KAZN: variants seen among roughly 807,000 people sequenced by gnomAD.
KAZN encodes kazrin.
A neutral mutation model predicts 87.4 loss-of-function variants in KAZN; 40 were observed. The ratio of observed to expected loss-of-function variants is 0.46; its 90% CI spans 0.36 to 0.60. The LOEUF is 0.60. Among genes scored for constraint, KAZN ranks in the 20% least tolerant of loss-of-function variants. KAZN has a pLI of 0.00. For synonymous variants in KAZN, 466 were observed against 458.3 expected, an observed-to-expected ratio of 1.02 and a Z score of -0.22; for missense variants, 898 against 1,073.9, an observed-to-expected ratio of 0.84 and a Z score of 2.29.
At chr1:14,883,560 C>G (rs932088194) in intron 1 of KAZN, among the ~76,000 whole-genome samples, 4 of 149,034 alleles carry the variant, frequency 2.7e-5, no homozygotes, top group African/African-American at 1.0e-4. Flanking sequence ...TCACACGCTC[C>G]TCCCATCCTC....
chr1:13,954,510 T>C (rs1641469248), intron 1 of KAZN, among the ~76,000 whole-genome samples: 2 of 152,208 alleles, frequency 1.3e-5, no homozygotes, highest in African/African-American at 4.8e-5. Flanking sequence ...GATTTTTATA[T>C]ACTCAAAACA....
intron 1 of KAZN, among the ~76,000 whole-genome samples, chr1:14,108,225 A>AT (rs1644422525): frequency 6.6e-6 from 1 of 151,406 alleles, no homozygotes; most frequent in South Asian, 2.1e-4. Flanking sequence ...TGAAAGTCAT[A>AT]TTTTTCTAGG....
chr1:14,319,640 C>G, intron 2 of KAZN, among the ~76,000 whole-genome samples: 1 of 152,202 alleles, frequency 6.6e-6, no homozygotes, highest in East Asian at 1.9e-4. Context: ...GGATCCTCCT[C>G]CCTTCTCGAC....
chr1:14,106,927 C>T (rs1644386013), intron 1 of KAZN, among the ~76,000 whole-genome samples: 1 of 149,106 alleles, frequency 6.7e-6, no homozygotes. Flanking sequence ...ACTCAACCAC[C>T]CTTTCCCTCC....
chr1:14,379,548 A>G (rs1279652275), intron 2 of KAZN, among the ~76,000 whole-genome samples: 1 of 151,968 alleles, frequency 6.6e-6, no homozygotes, highest in Non-Finnish European at 1.5e-5. Context: ...GCCAACATTC[A>G]CCATAAGCTG....
chr1:14,262,627 C>T (rs1651160535), intron 2 of KAZN, among the ~76,000 whole-genome samples: 1 of 152,142 alleles, frequency 6.6e-6, no homozygotes, highest in African/African-American at 2.4e-5. Context: ...ACTGGAAGGA[C>T]CCCCATGATA....
intron 2 of KAZN, among the ~76,000 whole-genome samples, chr1:14,541,285 T>C (rs1201087156): frequency 6.6e-6 from 1 of 152,188 alleles, no homozygotes; most frequent in African/African-American, 2.4e-5. Flanking sequence ...GCAAAATAGA[T>C]ACCCAATGTA....
intron 2 of KAZN, among the ~76,000 whole-genome samples, chr1:14,208,322 ATAG>A (rs1646784992): frequency 6.6e-6 from 1 of 152,236 alleles, no homozygotes; most frequent in Non-Finnish European, 1.5e-5. Flanking sequence ...ATGGTTGTCA[ATAG>A]TAAAGGTTAT....
chr1:14,638,563 C>A (rs1318350708), intron 1 of KAZN, among the ~76,000 whole-genome samples: 1 of 113,912 alleles, frequency 8.8e-6, no homozygotes, highest in Non-Finnish European at 1.7e-5. Flanking sequence ...AGCAAGACTC[C>A]GTCTCAAAAA....
chr1:14,885,622 A>G (rs1292639075), intron 1 of KAZN, among the ~76,000 whole-genome samples: 1 of 151,978 alleles, frequency 6.6e-6, no homozygotes, highest in Non-Finnish European at 1.5e-5. Flanking sequence ...TGCTATTATT[A>G]CAGGAGTGAG....
intron 1 of KAZN, among the ~76,000 whole-genome samples, chr1:14,713,797 A>AAAAAAAAAAAAAAAAAAAAGAAAGAAAG (rs1553215138): frequency 1.0e-5 from 1 of 95,648 alleles, no homozygotes; most frequent in Non-Finnish European, 1.9e-5. Flanking sequence ...AAAAAAAAAA[A>AAAAAAAAAAAAAAAAAAAAGAAAGAAAG]AAAGAAAGAA....
At chr1:14,881,261 G>T (rs1436913799) in intron 1 of KAZN, among the ~76,000 whole-genome samples, 2 of 152,234 alleles carry the variant, frequency 1.3e-5, no homozygotes, top group African/African-American at 4.8e-5. Context: ...AGAAAATCCA[G>T]CAGGGTGACA....
intron 2 of KAZN, among the ~76,000 whole-genome samples, chr1:14,571,745 C>T (rs977383787): frequency 2.0e-5 from 3 of 152,146 alleles, no homozygotes; most frequent in Non-Finnish European, 2.9e-5. Flanking sequence ...ACCTCCCCTC[C>T]GCCAAGATTC....
chr1:15,010,366 C>T (rs575725844), intron 2 of KAZN, among the ~76,000 whole-genome samples: 37 of 149,504 alleles, frequency 2.5e-4, no homozygotes, highest in African/African-American at 6.2e-4. Context: ...TCCAGGGGCA[C>T]GTGCCATCTG....
intron 2 of KAZN, among the ~76,000 whole-genome samples, chr1:14,546,616 C>T (rs1673162868): frequency 6.6e-6 from 1 of 152,036 alleles, no homozygotes; most frequent in Non-Finnish European, 1.5e-5. Context: ...GGAAAGACTG[C>T]TTGGAAGACT....
At chr1:14,605,037 G>A (rs1277770799) in intron 1 of KAZN, among the ~76,000 whole-genome samples, 1 of 152,182 alleles carries the variant, frequency 6.6e-6, no homozygotes, top group Non-Finnish European at 1.5e-5. Flanking sequence ...GAAGTAATGA[G>A]TCATTAAGAA....
chr1:14,068,051 A>G (rs144129200), intron 1 of KAZN, among the ~76,000 whole-genome samples: 2 of 151,768 alleles, frequency 1.3e-5, no homozygotes, highest in African/African-American at 2.4e-5. Context: ...TGGCATGCCA[A>G]CTCCTGGATT....
At chr1:14,863,404 A>G (rs569733326) in intron 1 of KAZN, among the ~76,000 whole-genome samples, 15 of 152,308 alleles carry the variant, frequency 9.8e-5, no homozygotes, top group African/African-American at 3.4e-4. Flanking sequence ...AATGTGATTG[A>G]ACAAACCTCT....
chr1:14,919,401 G>A (rs7518993), intron 1 of KAZN, among the ~76,000 whole-genome samples: 12,227 of 152,182 alleles, frequency 0.08, 544 homozygotes, highest in Middle Eastern at 0.13. Context: ...GGTCTCGAAC[G>A]CCTGACCTCA....
Sources: allele counts gnomAD v4.1 joint callset (sites outside exome capture counted in the v4.1 genomes callset), GRCh38; gene constraint gnomAD v4.1.1; transcripts MANE v1.5; gene names NCBI Gene and HGNC (gene_info 2026-07-23, HGNC 2026-07-21).